Variants in DLG2 observed in about 807,000 individuals in gnomAD.
DLG2 encodes disks large homolog 2.
DLG2 carries 45 observed loss-of-function variants against 132.5 expected under a neutral mutation model. That is an observed-to-expected ratio of 0.34 (90% CI 0.27 to 0.44). The LOEUF is 0.44. Ranked by LOEUF, DLG2 falls within the 20% of genes least tolerant of loss-of-function variation. The pLI is 1.00. For synonymous variants in DLG2, 424 were observed against 419.6 expected, an observed-to-expected ratio of 1.01 and a Z score of -0.13; for missense variants, 1,045 against 1,196.9, an observed-to-expected ratio of 0.87 and a Z score of 1.87.
intron 17 of DLG2, chr11:83,789,862 T>C (rs993064031): frequency 8.2e-6 from 4 of 488,958 alleles, no homozygotes; most frequent in African/African-American, 8.1e-5. Flanking sequence ...TACATAAAAG[T>C]GAAATAGTTA....
intron 6 of DLG2, among the ~76,000 whole-genome samples, chr11:84,998,742 G>A (rs1264259369): frequency 1.3e-5 from 2 of 151,866 alleles, no homozygotes; most frequent in Non-Finnish European, 1.5e-5. Context: ...AAGACCATAA[G>A]CGGATTTTTT....
At chr11:85,527,751 A>C (rs1037681514) in intron 3 of DLG2, among the ~76,000 whole-genome samples, 5 of 152,218 alleles carry the variant, frequency 3.3e-5, no homozygotes, top group Non-Finnish European at 7.3e-5. Context: ...TTCTGGTTTT[A>C]GATCCTTGAG....
At chr11:84,050,138 A>G (rs1353003691) in intron 11 of DLG2, among the ~76,000 whole-genome samples, 3 of 141,304 alleles carry the variant, frequency 2.1e-5, no homozygotes, top group Non-Finnish European at 4.7e-5. Context: ...ACTGGCAATG[A>G]AAAACTACTG....
At chr11:85,026,013 A>G (rs2060484374) in intron 6 of DLG2, among the ~76,000 whole-genome samples, 1 of 152,040 alleles carries the variant, frequency 6.6e-6, no homozygotes, top group African/African-American at 2.4e-5. Context: ...AAGACAATAA[A>G]GATTTTCAAA....
chr11:84,185,010 C>T (rs1197279712), intron 8 of DLG2, among the ~76,000 whole-genome samples: 1 of 152,120 alleles, frequency 6.6e-6, no homozygotes, highest in Non-Finnish European at 1.5e-5. Context: ...AGCGTGATGC[C>T]TCTGGCTTTG....
chr11:85,288,964 G>A (rs1195424339), intron 3 of DLG2, among the ~76,000 whole-genome samples: 3 of 151,970 alleles, frequency 2.0e-5, no homozygotes, highest in Non-Finnish European at 2.9e-5. Flanking sequence ...ATAACAAACA[G>A]TGATTTGATC....
chr11:84,014,040 C>A (rs2095041142), intron 11 of DLG2, among the ~76,000 whole-genome samples: 1 of 151,994 alleles, frequency 6.6e-6, no homozygotes, highest in Non-Finnish European at 1.5e-5. Context: ...TGTACACTTA[C>A]CAAATAGAAT....
intron 6 of DLG2, among the ~76,000 whole-genome samples, chr11:84,950,728 T>TAC (rs35040490): frequency 2.7e-3 from 403 of 150,168 alleles, no homozygotes; most frequent in East Asian, 9.9e-3. Flanking sequence ...CGCACGTGCA[T>TAC]ACACACACAC....
intron 7 of DLG2, among the ~76,000 whole-genome samples, chr11:84,266,634 AACACCATGAACTGGG>A (rs1246374881): frequency 1.3e-5 from 2 of 152,218 alleles, no homozygotes; most frequent in African/African-American, 4.8e-5. Context: ...ACGCACTTGG[AACACCATGAACTGGG>A]ACTGAAAGTC....
intron 6 of DLG2, among the ~76,000 whole-genome samples, chr11:84,672,837 G>T (rs1315699073): frequency 6.6e-6 from 1 of 152,054 alleles, no homozygotes. Context: ...ACAAAAAAAA[G>T]GCTTAATTGG....
chr11:84,597,406 T>C (rs2154531625), intron 6 of DLG2, among the ~76,000 whole-genome samples: 1 of 152,278 alleles, frequency 6.6e-6, no homozygotes, highest in East Asian at 1.9e-4. Flanking sequence ...AAAAAGTTGA[T>C]ACTGTTCTCA....
chr11:83,688,650 A>C (rs562686765), intron 18 of DLG2, among the ~76,000 whole-genome samples: 2 of 152,198 alleles, frequency 1.3e-5, no homozygotes, highest in African/African-American at 4.8e-5. Context: ...TATAAACATA[A>C]GTATATATAG....
chr11:84,438,099 AGAG>A (rs1242360130), intron 7 of DLG2, among the ~76,000 whole-genome samples: 4 of 152,130 alleles, frequency 2.6e-5, no homozygotes, highest in Non-Finnish European at 5.9e-5. Context: ...ATATCCTCCA[AGAG>A]GACTAAGAGG....
intron 11 of DLG2, among the ~76,000 whole-genome samples, chr11:84,020,469 A>G (rs951772026): frequency 6.6e-6 from 1 of 152,182 alleles, no homozygotes; most frequent in Non-Finnish European, 1.5e-5. Context: ...ATACACACAC[A>G]TGTAATATTT....
chr11:85,164,888 C>T (rs1394086932), intron 4 of DLG2, among the ~76,000 whole-genome samples: 1 of 152,172 alleles, frequency 6.6e-6, no homozygotes, highest in Non-Finnish European at 1.5e-5. Flanking sequence ...CACTTTCTTA[C>T]TGCCCACACA....
At chr11:83,636,004 T>C (rs766026136) in intron 18 of DLG2, among the ~76,000 whole-genome samples, 22 of 152,192 alleles carry the variant, frequency 1.4e-4, no homozygotes, top group Non-Finnish European at 2.6e-4. Context: ...TGATCCATGC[T>C]TTACATTGCC....
intron 6 of DLG2, among the ~76,000 whole-genome samples, chr11:85,027,271 T>G (rs2060616989): frequency 7.4e-6 from 1 of 135,756 alleles, no homozygotes; most frequent in Non-Finnish European, 1.5e-5. Context: ...TACACATACA[T>G]CAGAAAGAAT....
chr11:85,010,282 A>G (rs1217329088), intron 6 of DLG2, among the ~76,000 whole-genome samples: 1 of 152,116 alleles, frequency 6.6e-6, no homozygotes, highest in Non-Finnish European at 1.5e-5. Context: ...AGGAAACCGT[A>G]AAAACATTCT....
At chr11:84,558,964 A>C (rs1278155263) in intron 6 of DLG2, among the ~76,000 whole-genome samples, 1 of 152,142 alleles carries the variant, frequency 6.6e-6, no homozygotes, top group Non-Finnish European at 1.5e-5. Context: ...TAGAGCTGTC[A>C]CATTTTATTA....
Sources: gnomAD v4.1 joint callset for allele counts (sites outside exome capture counted in the v4.1 genomes callset) on GRCh38, gnomAD v4.1.1 for gene constraint, MANE v1.5 for transcripts, NCBI Gene and HGNC (gene_info 2026-07-23, HGNC 2026-07-21) for gene names.